The following STXBP4 variants were observed in gnomAD, a reference collection of about 807,000 sequenced individuals.
STXBP4 encodes the protein syntaxin-binding protein 4.
Under a neutral mutation model 76.1 loss-of-function variants are expected in STXBP4, and 55 were observed. That is an observed-to-expected ratio of 0.72 (90% CI 0.58 to 0.91). The LOEUF (loss-of-function observed/expected upper bound fraction) is 0.91, where lower values mean the gene tolerates loss of function less well. Ranked by LOEUF, STXBP4 falls within the 40% of genes least tolerant of loss-of-function variation. The probability of loss-of-function intolerance (pLI) is 0.00; values close to 1 mark genes in which losing one functional copy is unlikely to be tolerated. For missense variants in STXBP4, 618 were observed against 636.9 expected, an observed-to-expected ratio of 0.97 and a Z score of 0.32; for synonymous variants, 201 against 220.2, an observed-to-expected ratio of 0.91 and a Z score of 0.77.
At chr17:55,002,843 T>C (rs1567713100) in intron 7 of STXBP4, among the ~76,000 whole-genome samples, 3 of 152,210 alleles carry the variant, frequency 2.0e-5, no homozygotes, top group African/African-American at 7.2e-5. Flanking sequence ...CAAGCACTTA[T>C]ATTGTAATTA....
intron 16 of STXBP4, among the ~76,000 whole-genome samples, chr17:55,134,619 A>G (rs2080008799): frequency 6.6e-6 from 1 of 152,150 alleles, no homozygotes; most frequent in Admixed American, 6.6e-5. Flanking sequence ...TACTCTCTAC[A>G]TTGATTAAAT....
rs10690646 is a variant in STXBP4 at position 55,077,686 on chromosome 17, CGTGTGTGTGTGTGT to C, written c.1189-361_1189-348del. ...CTTCCTTGCTAGCTTTGTCTTACAT[CGTGTGTGTGTGTGT>C]GTGTGTGTGTGTGTGTGTGTGTGTG... On this transcript the variant is annotated intron_variant, in intron 13 of 17. Transcript: ENST00000376352. 7.1e-3 allele frequency among the ~76,000 whole-genome samples: 950 copies of C among 134,080 alleles called. 17 individuals carry two copies. Among genetic ancestry groups the C allele is most frequent in the African/African-American group, 0.025 (899 of 35,394 alleles). 88.0% of individuals were successfully genotyped at this position (134,080 alleles called of 152,430 possible). A position where few individuals can be genotyped will look rare whatever the true frequency, so the allele number is the denominator to read the frequency against.
chr17:55,143,674 C>T (rs1444849877), intron 17 of STXBP4, among the ~76,000 whole-genome samples: 1 of 152,106 alleles, frequency 6.6e-6, no homozygotes, highest in Non-Finnish European at 1.5e-5. Context: ...CCTTTGGCTG[C>T]CCTGGGAACC....
chr17:55,110,288 A>G (rs1309573648), intron 16 of STXBP4, among the ~76,000 whole-genome samples: 2 of 152,234 alleles, frequency 1.3e-5, no homozygotes, highest in Non-Finnish European at 2.9e-5. Flanking sequence ...ACTAGCAACT[A>G]TCTACAACCT....
intron 16 of STXBP4, among the ~76,000 whole-genome samples, chr17:55,107,905 C>T (rs954908874): frequency 7.2e-5 from 11 of 152,182 alleles, no homozygotes; most frequent in African/African-American, 2.2e-4. Flanking sequence ...GTCAGGGATC[C>T]GCTTGAGGAT....
chr17:55,174,838 C>G (rs1832610634), downstream of STXBP4, among the ~76,000 whole-genome samples: 1 of 152,064 alleles, frequency 6.6e-6, no homozygotes, highest in Non-Finnish European at 1.5e-5. Context: ...TCCTATATTC[C>G]TCTTAGATAA....
At chr17:54,989,184 A>T (rs28394892) in intron 3 of STXBP4, among the ~76,000 whole-genome samples, 43,188 of 152,066 alleles carry the variant, frequency 0.28, 6,370 homozygotes, top group African/African-American at 0.35. Context: ...CTTGGCTCAC[A>T]GCAAGCTCTG....
chr17:55,093,151 T>C (rs1209041067), intron 16 of STXBP4, among the ~76,000 whole-genome samples: 2 of 152,022 alleles, frequency 1.3e-5, no homozygotes, highest in African/African-American at 4.8e-5. Flanking sequence ...TACTCCACCA[T>C]GCCCAGCTAA....
At chr17:55,157,645 A>G (rs930733988) in intron 17 of STXBP4, among the ~76,000 whole-genome samples, 2 of 152,218 alleles carry the variant, frequency 1.3e-5, no homozygotes, top group Non-Finnish European at 2.9e-5. Flanking sequence ...TTTTTATGCC[A>G]TAATAAAACC....
chr17:55,193,848 T>TG, the STXBP4 span, among the ~76,000 whole-genome samples: 1 of 146,054 alleles, frequency 6.8e-6, no homozygotes, highest in South Asian at 2.2e-4. Flanking sequence ...AATTAATTCC[T>TG]ACAGCAAGGT....
the STXBP4 span, among the ~76,000 whole-genome samples, chr17:55,183,701 C>G: frequency 6.6e-6 from 1 of 152,040 alleles, no homozygotes; most frequent in African/African-American, 2.4e-5. Context: ...AAGAGATATA[C>G]AGTGCAAAGA....
intron 8 of STXBP4, among the ~76,000 whole-genome samples, chr17:55,008,370 T>G (rs995252064): frequency 7.9e-5 from 12 of 152,112 alleles, no homozygotes; most frequent in African/African-American, 2.9e-4. Context: ...ATCCACACCT[T>G]TGCTTGGTCC....
chr17:55,038,079 G>C (rs1465224200), intron 10 of STXBP4, among the ~76,000 whole-genome samples: 1 of 152,098 alleles, frequency 6.6e-6, no homozygotes, highest in Non-Finnish European at 1.5e-5. Context: ...ACAAACAACA[G>C]GCCTGGGTCA....
At chr17:55,064,639 A>ACGCCACC (rs202053444) in intron 12 of STXBP4, among the ~76,000 whole-genome samples, 76 of 151,946 alleles carry the variant, frequency 5.0e-4, no homozygotes, top group Middle Eastern at 3.4e-3. Flanking sequence ...GATTGCAGGC[A>ACGCCACC]CGCCACCCGC....
chr17:55,093,097 C>A (rs771589017), intron 16 of STXBP4, among the ~76,000 whole-genome samples: 7 of 151,974 alleles, frequency 4.6e-5, no homozygotes, highest in Non-Finnish European at 8.8e-5. Context: ...TGGGTTCAAG[C>A]GATTCTCGTG....
At chr17:55,205,401 G>A in the STXBP4 span, among the ~76,000 whole-genome samples, 7 of 152,048 alleles carry the variant, frequency 4.6e-5, no homozygotes, top group South Asian at 2.1e-4. Flanking sequence ...AAAGCCTTTC[G>A]TAGGTTAGCA....
At chr17:55,124,597 A>G (rs2079885629) in intron 16 of STXBP4, among the ~76,000 whole-genome samples, 3 of 152,204 alleles carry the variant, frequency 2.0e-5, no homozygotes, top group South Asian at 2.1e-4. Flanking sequence ...AGAGAAGAAT[A>G]TGAGTTTACC....
rs540782779 is a variant in STXBP4 at position 55,157,837 on chromosome 17, C to A, written c.1548-1960C>A. Among the ~76,000 whole-genome samples, 76 of 152,206 alleles carry A rather than the reference C, an allele frequency of 5.0e-4. 1 individual carries two copies. The highest frequency in any genetic ancestry group is 2.6e-3 in the Admixed American group (40 of 15,266). On this transcript the variant is annotated intron_variant, in intron 17 of 17. Transcript: ENST00000376352. ...CATTTTCAGTATTGTAATCAGTAGC[C>A]AATAAAGTGAATGCATTTTTGTGAT...
chr17:55,142,835 G>C (rs2080109530), intron 17 of STXBP4, among the ~76,000 whole-genome samples: 1 of 152,062 alleles, frequency 6.6e-6, no homozygotes, highest in African/African-American at 2.4e-5. Context: ...ATGAACTTTT[G>C]GCATAGAGGA....
Sources: gnomAD v4.1 joint callset for allele counts (sites outside exome capture counted in the v4.1 genomes callset) on GRCh38, gnomAD v4.1.1 for gene constraint, MANE v1.5 for transcripts, NCBI Gene and HGNC (gene_info 2026-07-23, HGNC 2026-07-21) for gene names.